EPB41: variants seen among roughly 807,000 people sequenced by gnomAD.
The protein encoded by EPB41 is erythrocyte membrane protein band 4.1.
EPB41 carries 65 observed loss-of-function variants against 108.0 expected under a neutral mutation model. That is an observed-to-expected ratio of 0.60 (90% confidence interval 0.49 to 0.74). EPB41 has a LOEUF of 0.74. Ranked by LOEUF, EPB41 falls within the 30% of genes least tolerant of loss-of-function variation. The pLI is 0.00. For missense variants in EPB41, 875 were observed against 1,037.0 expected, an observed-to-expected ratio of 0.84 and a Z score of 2.15; for synonymous variants, 336 against 358.9, an observed-to-expected ratio of 0.94 and a Z score of 0.72.
rs115206321 is a variant in EPB41, at chr1:29,003,621, C to A, written c.786+6302C>A. Among the ~76,000 whole-genome samples the A allele has an allele frequency of 7.1e-3, 1,086 of 152,246 alleles. 16 individuals are homozygous for A. The highest frequency in any genetic ancestry group is 0.023 in the African/African-American group (936 of 41,524). ...GATTTGTCCTTTGTATATGTAACTT[C>A]TGTCATTAAGAGCTTTGTGCTTTGT... On this transcript the variant is annotated intron_variant, in intron 4 of 20. Transcript: ENST00000343067.
chr1:29,045,379 G>A (rs1231410810), intron 11 of EPB41, among the ~76,000 whole-genome samples: 1 of 151,626 alleles, frequency 6.6e-6, no homozygotes, highest in African/African-American at 2.4e-5. Flanking sequence ...TATTAGATAG[G>A]GTCTCACTCT....
chr1:28,977,822 G>A (rs567966428), intron 1 of EPB41, among the ~76,000 whole-genome samples: 2 of 151,794 alleles, frequency 1.3e-5, no homozygotes, highest in South Asian at 4.2e-4. Context: ...GTCTAGAGAA[G>A]TATATTTGAG....
chr1:28,911,173 C>A, upstream of EPB41: 2 of 985,406 alleles, frequency 2.0e-6, no homozygotes, highest in Non-Finnish European at 2.4e-6. Context: ...TGTGATAGGC[C>A]TGGCAACACT....
At chr1:28,931,096 A>C (rs1457794457) in intron 1 of EPB41, among the ~76,000 whole-genome samples, 1 of 152,118 alleles carries the variant, frequency 6.6e-6, no homozygotes, top group Non-Finnish European at 1.5e-5. Flanking sequence ...CAAGTTACAT[A>C]TTTTAAAAAG....
chr1:28,919,805 T>C (rs528307699), intron 1 of EPB41, among the ~76,000 whole-genome samples: 24 of 152,298 alleles, frequency 1.6e-4, no homozygotes, highest in South Asian at 8.3e-4. Flanking sequence ...CGTCATGCTT[T>C]TAAATTATTT....
chr1:28,934,676 G>GTGTA (rs2093915109), intron 1 of EPB41, among the ~76,000 whole-genome samples: 1 of 150,434 alleles, frequency 6.6e-6, no homozygotes, highest in Non-Finnish European at 1.5e-5. Context: ...TTGTGTGTGT[G>GTGTA]TGTGTGTGTG....
chr1:28,900,403 T>G lies in EPB41; in HGVS notation c.-8+13193T>G, dbSNP rs1018439851. 2.7e-5 allele frequency among the ~76,000 whole-genome samples: 4 copies of G among 149,586 alleles called. No homozygotes were observed. In the Admixed American group the frequency reaches 2.7e-4, roughly 10 times the overall value. On this transcript the variant is annotated intron_variant, in intron 1 of 16. Coordinates refer to the EPB41 transcript ENST00000347529. ...CCCAGGTTCAAGCAAACCTCCAACC[T>G]CAGCCTCCCAAGTAGCTGGGGATAT...
At chr1:29,087,487 C>T (rs1659539508) in intron 16 of EPB41, among the ~76,000 whole-genome samples, 2 of 152,090 alleles carry the variant, frequency 1.3e-5, no homozygotes, top group South Asian at 2.1e-4. Flanking sequence ...CTCAGCCTCC[C>T]GAGTAGCAGG....
intron 1 of EPB41, among the ~76,000 whole-genome samples, chr1:28,915,219 C>T (rs1357275146): frequency 1.3e-5 from 2 of 152,182 alleles, no homozygotes; most frequent in Non-Finnish European, 2.9e-5. Flanking sequence ...CAGGCGGAAT[C>T]TGAGGACTGC....
chr1:29,077,159 G>A (rs1654426634), intron 16 of EPB41, among the ~76,000 whole-genome samples: 1 of 152,014 alleles, frequency 6.6e-6, no homozygotes, highest in Non-Finnish European at 1.5e-5. Context: ...CAGCCCAGAA[G>A]CCACTGTCTC....
intron 1 of EPB41, among the ~76,000 whole-genome samples, chr1:28,974,269 C>T (rs1260995732): frequency 1.3e-5 from 2 of 152,190 alleles, no homozygotes; most frequent in Non-Finnish European, 1.5e-5. Flanking sequence ...GTCTTTCTTA[C>T]TAGAGTAGCC....
chr1:29,058,082 G>T (rs1262414104), intron 12 of EPB41, among the ~76,000 whole-genome samples: 3 of 152,176 alleles, frequency 2.0e-5, no homozygotes, highest in African/African-American at 7.2e-5. Flanking sequence ...GTGTTTACTA[G>T]TTTGGTGTCA....
intron 14 of EPB41, among the ~76,000 whole-genome samples, chr1:29,059,142 G>A (rs1364281014): frequency 6.6e-6 from 1 of 152,242 alleles, no homozygotes; most frequent in Non-Finnish European, 1.5e-5. Flanking sequence ...AGGCGTGTTG[G>A]TGCACGCCTT....
At chr1:28,968,638 C>G (rs964104121) in intron 1 of EPB41, among the ~76,000 whole-genome samples, 1 of 151,860 alleles carries the variant, frequency 6.6e-6, no homozygotes, top group South Asian at 2.1e-4. Flanking sequence ...GCAGTTTTTG[C>G]CGTTACTTTC....
In EPB41 at chr1:28,935,467, ACCCCC is replaced by A. The variant is rs71022381; in HGVS notation, c.-8+20708_-8+20712del. On this transcript the variant is annotated intron_variant, in intron 1 of 20. Coordinates refer to ENST00000343067, the MANE Select transcript of EPB41 (RefSeq NM_001376013.1). The stretch of plus-strand genomic sequence containing the variant: ...CACACACACACACACACACACACAC[ACCCCC>A]CCCCCCCCAAGATCTACGCACTAAC... 9.2e-3 allele frequency among the ~76,000 whole-genome samples: 590 copies of A among 64,180 alleles called. 26 individuals carry two copies. The highest frequency in any genetic ancestry group is 0.025 in the African/African-American group (472 of 18,900). The allele number at this position is 64,180 out of a possible 152,430, so 42.1% of individuals were successfully genotyped here.
intron 17 of EPB41, among the ~76,000 whole-genome samples, chr1:29,108,899 A>C (rs980118601): frequency 7.9e-5 from 12 of 151,842 alleles, no homozygotes; most frequent in African/African-American, 2.7e-4. Flanking sequence ...AAAAAAAAAA[A>C]AAAAAAGAGG....
chr1:28,991,222 A>G (rs761384696), intron 2 of EPB41, among the ~76,000 whole-genome samples: 1 of 149,470 alleles, frequency 6.7e-6, no homozygotes, highest in Non-Finnish European at 1.5e-5. Context: ...AGTGTATAAT[A>G]TATATAAATA....
At chr1:28,900,981 G>C (rs1482199038) in intron 1 of EPB41, among the ~76,000 whole-genome samples, 1 of 152,102 alleles carries the variant, frequency 6.6e-6, no homozygotes, top group Non-Finnish European at 1.5e-5. Flanking sequence ...CCAGGCTGGA[G>C]TGCAGTGGCG....
intron 1 of EPB41, among the ~76,000 whole-genome samples, chr1:28,899,859 A>G (rs1166522247): frequency 6.6e-6 from 1 of 152,198 alleles, no homozygotes; most frequent in Non-Finnish European, 1.5e-5. Context: ...TTGTGAGCAG[A>G]GAGACTTTGG....
Sources: gnomAD v4.1 joint callset for allele counts (sites outside exome capture counted in the v4.1 genomes callset) on GRCh38, gnomAD v4.1.1 for gene constraint, MANE v1.5 for transcripts, NCBI Gene and HGNC (gene_info 2026-07-23, HGNC 2026-07-21) for gene names.